Variants in PDE11A observed in about 807,000 individuals in gnomAD.
PDE11A encodes the protein dual 3',5'-cyclic-AMP and -GMP phosphodiesterase 11A.
In PDE11A, 100 loss-of-function variants were observed where a neutral mutation model predicts 100.5. The ratio of observed to expected loss-of-function variants is 1.00; its 90% CI spans 0.85 to 1.18. The LOEUF is 1.18. Ranked by LOEUF, PDE11A falls within the 50% of genes most tolerant of loss-of-function variation. PDE11A has a pLI of 0.00. For missense variants in PDE11A, 1,141 were observed against 1,152.6 expected, an observed-to-expected ratio of 0.99 and a Z score of 0.15; for synonymous variants, 381 against 420.8, an observed-to-expected ratio of 0.91 and a Z score of 1.16.
intron 19 of PDE11A, among the ~76,000 whole-genome samples, chr2:177,640,120 A>C (rs1259092569): frequency 6.6e-6 from 1 of 152,098 alleles, no homozygotes; most frequent in Admixed American, 6.5e-5. Flanking sequence ...TCTCACCCCC[A>C]CCTTACCCAA....
At chr2:177,665,745 T>C (rs532745166) in intron 18 of PDE11A, among the ~76,000 whole-genome samples, 1 of 151,224 alleles carries the variant, frequency 6.6e-6, no homozygotes, top group Middle Eastern at 3.4e-3. Context: ...TAATCTCAGC[T>C]ACCTGGGAGG....
rs532713514 is a variant in PDE11A at position 177,665,723 on chromosome 2, G to C, written c.2563-1774C>G. 1.3e-4 allele frequency among the ~76,000 whole-genome samples: 19 copies of C among 151,630 alleles called. No individual in the cohort carries two copies. In the East Asian group the frequency reaches 3.5e-3, roughly 28 times the overall value. Reference sequence around the variant, plus strand: ...ATGCAAAAAATTAGCTGGGTGTGGTGGTGGGCACCTGTAATCTCAGCTACC... The same window carrying C: ...ATGCAAAAAATTAGCTGGGTGTGGTCGTGGGCACCTGTAATCTCAGCTACC... On this transcript the variant is annotated intron_variant, in intron 18 of 19. Transcript: ENST00000286063.
intron 9 of PDE11A, among the ~76,000 whole-genome samples, chr2:177,789,985 A>G (rs1193581099): frequency 3.3e-5 from 5 of 151,404 alleles, no homozygotes; most frequent in African/African-American, 1.2e-4. Flanking sequence ...TATAGATTCA[A>G]TGCCATCGCC....
intron 4 of PDE11A, among the ~76,000 whole-genome samples, chr2:177,876,775 T>C (rs2084248031): frequency 1.3e-5 from 2 of 148,260 alleles, no homozygotes; most frequent in African/African-American, 5.1e-5. Flanking sequence ...TGCTAGCTCT[T>C]TCAACACTAC....
At chr2:177,956,732 A>C (rs2085567957) in intron 2 of PDE11A, among the ~76,000 whole-genome samples, 1 of 152,262 alleles carries the variant, frequency 6.6e-6, no homozygotes, top group South Asian at 2.1e-4. Context: ...ATGCAGCCAT[A>C]AAAAATGATG....
At chr2:177,968,015 A>G (rs1040639419) in intron 2 of PDE11A, among the ~76,000 whole-genome samples, 1 of 152,252 alleles carries the variant, frequency 6.6e-6, no homozygotes, top group African/African-American at 2.4e-5. Context: ...CAGATAATAA[A>G]TGGTAATTCA....
intron 19 of PDE11A, among the ~76,000 whole-genome samples, chr2:177,641,321 G>T (rs2080138316): frequency 6.7e-6 from 1 of 149,006 alleles, no homozygotes; most frequent in South Asian, 2.1e-4. Flanking sequence ...GAAAACTTGG[G>T]TTATGGTACA....
At chr2:177,707,759 G>A (rs1224427018) in intron 13 of PDE11A, among the ~76,000 whole-genome samples, 1 of 152,178 alleles carries the variant, frequency 6.6e-6, no homozygotes. Flanking sequence ...GGTGTGCACT[G>A]TTGGTCCCAA....
At chr2:177,762,698 A>C (rs571218177) in intron 10 of PDE11A, among the ~76,000 whole-genome samples, 2 of 151,948 alleles carry the variant, frequency 1.3e-5, no homozygotes, top group Non-Finnish European at 2.9e-5. Flanking sequence ...AGGTGGGAGA[A>C]AATCCTCCAG....
At chr2:177,850,348 C>A (rs1247209846) in intron 5 of PDE11A, among the ~76,000 whole-genome samples, 1 of 152,118 alleles carries the variant, frequency 6.6e-6, no homozygotes, top group African/African-American at 2.4e-5. Flanking sequence ...AAAGCTGAAA[C>A]TGGATCCCTT....
intron 19 of PDE11A, among the ~76,000 whole-genome samples, chr2:177,648,376 T>C (rs2080255475): frequency 6.6e-6 from 1 of 152,180 alleles, no homozygotes; most frequent in Admixed American, 6.5e-5. Flanking sequence ...TTTCAGTAGT[T>C]TTATTTCATT....
chr2:177,764,531 C>T (rs947127154), intron 10 of PDE11A, among the ~76,000 whole-genome samples: 1 of 152,216 alleles, frequency 6.6e-6, no homozygotes, highest in South Asian at 2.1e-4. Flanking sequence ...ATTACAGGAG[C>T]ATATAATTGG....
chr2:177,641,105 A>G (rs1403775622), intron 19 of PDE11A, among the ~76,000 whole-genome samples: 2 of 152,206 alleles, frequency 1.3e-5, no homozygotes, highest in African/African-American at 2.4e-5. Flanking sequence ...ACCATGGAGC[A>G]GTCAATCAGA....
intron 9 of PDE11A, among the ~76,000 whole-genome samples, chr2:177,806,747 A>G (rs1426149841): frequency 6.6e-6 from 1 of 152,138 alleles, no homozygotes; most frequent in African/African-American, 2.4e-5. Flanking sequence ...TAACAATTAT[A>G]AAGAATTATG....
At chr2:178,040,421 G>A (rs1001448125) in intron 1 of PDE11A, among the ~76,000 whole-genome samples, 2 of 152,038 alleles carry the variant, frequency 1.3e-5, no homozygotes, top group African/African-American at 2.4e-5. Context: ...TATGCTGTAC[G>A]TATATATTTT....
At chr2:177,637,090 T>C (rs540936247) in intron 19 of PDE11A, among the ~76,000 whole-genome samples, 1 of 152,236 alleles carries the variant, frequency 6.6e-6, no homozygotes, top group South Asian at 2.1e-4. Context: ...ATATATTGAA[T>C]GTTCACTGTG....
chr2:177,719,967 A>C (rs192422274), intron 12 of PDE11A, among the ~76,000 whole-genome samples: 1 of 151,858 alleles, frequency 6.6e-6, no homozygotes. Context: ...TGAAACTTAC[A>C]TCTCCTAATG....
At chr2:177,791,994 C>T (rs1197828330) in intron 9 of PDE11A, among the ~76,000 whole-genome samples, 1 of 152,126 alleles carries the variant, frequency 6.6e-6, no homozygotes, top group South Asian at 2.1e-4. Context: ...TAAAGGATCT[C>T]AGGCATTAAC....
chr2:178,036,608 C>T (rs2086617986), intron 1 of PDE11A, among the ~76,000 whole-genome samples: 1 of 152,138 alleles, frequency 6.6e-6, no homozygotes, highest in African/African-American at 2.4e-5. Context: ...TGTCATGCTA[C>T]CTGACTTTAA....
Sources: allele counts gnomAD v4.1 joint callset (sites outside exome capture counted in the v4.1 genomes callset), GRCh38; gene constraint gnomAD v4.1.1; transcripts MANE v1.5; gene names NCBI Gene and HGNC (gene_info 2026-07-23, HGNC 2026-07-21).